DTNB: variants seen among roughly 807,000 people sequenced by gnomAD.
DTNB encodes DTN-B.
A neutral mutation model predicts 90.7 loss-of-function variants in DTNB; 63 were observed. The observed-to-expected ratio is 0.69, with a 90% CI of 0.57 to 0.86. The LOEUF (loss-of-function observed/expected upper bound fraction) is 0.86, where lower values mean the gene tolerates loss of function less well. Among genes scored for constraint, DTNB ranks in the 40% least tolerant of loss-of-function variants. The pLI, the probability that DTNB is intolerant of heterozygous loss-of-function variation, is 0.00. For missense variants in DTNB, 744 were observed against 807.1 expected, an observed-to-expected ratio of 0.92 and a Z score of 0.95; for synonymous variants, 277 against 286.7, an observed-to-expected ratio of 0.97 and a Z score of 0.34.
intron 10 of DTNB, among the ~76,000 whole-genome samples, chr2:25,477,342 C>A (rs563540776): frequency 6.6e-6 from 1 of 152,126 alleles, no homozygotes; most frequent in African/African-American, 2.4e-5. Context: ...TATGCGTGTA[C>A]TATTATATTA....
chr2:25,531,530 G>A lies in DTNB; in HGVS notation c.944C>T (p.Pro315Leu). The A allele has an allele frequency of 6.2e-7, 1 of 1,613,832 alleles. No individual in the cohort carries two copies. Among genetic ancestry groups the A allele is most frequent in the East Asian group, 2.2e-5 (1 of 44,888 alleles). Residue 315 changes from proline to leucine, a missense_variant, in exon 9 of 21, where the codon CCC becomes CTC. Physicochemically the swap from Pro to Leu is moderately conservative, Grantham distance 98 (BLOSUM62 -3). Coordinates refer to ENST00000406818, the MANE Select transcript of DTNB (RefSeq NM_021907.5). ...KSLGCVPTRE[P>L]PHPVFPEQPE... Reference sequence around the variant, plus strand: ...TTGCTCAGGAAAAACAGGATGCGGGGGTTCTCTCGTGGGTACACACCCCAA... The same window carrying A: ...TTGCTCAGGAAAAACAGGATGCGGGAGTTCTCTCGTGGGTACACACCCCAA...
At chr2:25,477,671 A>C (rs1428603314) in intron 10 of DTNB, among the ~76,000 whole-genome samples, 1 of 152,182 alleles carries the variant, frequency 6.6e-6, no homozygotes, top group Non-Finnish European at 1.5e-5. Context: ...ATAAAAGTGA[A>C]GTGTTAGGGA....
chr2:25,585,854 T>G, intron 6 of DTNB, among the ~76,000 whole-genome samples: 1 of 152,226 alleles, frequency 6.6e-6, no homozygotes, highest in Non-Finnish European at 1.5e-5. Flanking sequence ...TAATCAGAGT[T>G]ACAGAGTTGT....
intron 5 of DTNB, among the ~76,000 whole-genome samples, chr2:25,601,035 A>AT (rs965318247): frequency 1.7e-4 from 26 of 152,146 alleles, no homozygotes; most frequent in Admixed American, 9.8e-4. Context: ...GTTTAAAACA[A>AT]TTTTTTTGTG....
intron 9 of DTNB, among the ~76,000 whole-genome samples, chr2:25,526,397 T>TATA (rs2077192595): frequency 2.9e-5 from 2 of 68,756 alleles, no homozygotes; most frequent in African/African-American, 5.7e-5. Flanking sequence ...ATATATATAT[T>TATA]TTTTTTTTTT....
In DTNB at chr2:25,580,705, T is replaced by C; in HGVS notation, c.709+16A>G. The C allele has an allele frequency of 6.2e-7, 1 of 1,608,064 alleles. No homozygotes were observed. The highest frequency in any genetic ancestry group is 1.1e-5 in the South Asian group (1 of 90,966). ...TTCTATAGCATGCGGAATTGAACAA[T>C]AAAAGTTCTGCTTACCATTCTCAAC... is the stretch of plus-strand genomic sequence containing the variant. On this transcript the variant is annotated intron_variant, in intron 7 of 20. Transcript: ENST00000406818.
chr2:25,529,358 C>G (rs746313242), intron 9 of DTNB, among the ~76,000 whole-genome samples: 3 of 151,866 alleles, frequency 2.0e-5, no homozygotes, highest in Non-Finnish European at 4.4e-5. Flanking sequence ...ACATCACACA[C>G]AAAAATCCAT....
At chr2:25,616,366 GT>G (rs2070506533) in intron 4 of DTNB, among the ~76,000 whole-genome samples, 2 of 152,000 alleles carry the variant, frequency 1.3e-5, no homozygotes, top group South Asian at 4.1e-4. Flanking sequence ...TCTTCAAAAT[GT>G]TTTTAGAAAC....
intron 1 of DTNB, among the ~76,000 whole-genome samples, chr2:25,663,174 G>A (rs1158301847): frequency 1.3e-5 from 2 of 151,412 alleles, no homozygotes; most frequent in Non-Finnish European, 1.5e-5. Flanking sequence ...TCTGTTTTCT[G>A]TTCCTGTGTT....
At chr2:25,653,495 C>A (rs1480790599) in intron 1 of DTNB, among the ~76,000 whole-genome samples, 1 of 113,352 alleles carries the variant, frequency 8.8e-6, no homozygotes, top group East Asian at 4.6e-4. Flanking sequence ...TTCTTTCTTT[C>A]TTTCTTTCTT....
At chr2:25,488,470 T>C (rs2066666060) in intron 9 of DTNB, among the ~76,000 whole-genome samples, 2 of 152,150 alleles carry the variant, frequency 1.3e-5, no homozygotes, top group Middle Eastern at 3.4e-3. Flanking sequence ...GATTTGAGTT[T>C]TGAAATTGTT....
intron 14 of DTNB, among the ~76,000 whole-genome samples, chr2:25,431,204 A>AT (rs1457186609): frequency 5.5e-5 from 8 of 144,458 alleles, no homozygotes; most frequent in African/African-American, 1.2e-4. Flanking sequence ...TTTCTTCTAG[A>AT]ATTTTTTTTT....
In DTNB at chr2:25,536,715, A is replaced by C. The variant is rs903261439; in HGVS notation, c.877-5118T>G. ...AGACGGTAGAAAGAGGGAGACAGAG[A>C]GCGAGAGCGAGAGGGGAGATGGGAG... On this transcript the variant is annotated intron_variant, in intron 8 of 20. Transcript: ENST00000406818. 5.9e-5 allele frequency among the ~76,000 whole-genome samples: 9 copies of C among 152,056 alleles called. No homozygotes were observed. In the South Asian group the frequency reaches 8.3e-4, roughly 14 times the overall value.
intron 3 of DTNB, among the ~76,000 whole-genome samples, chr2:25,630,209 T>C (rs2075368199): frequency 6.6e-6 from 1 of 152,214 alleles, no homozygotes; most frequent in Non-Finnish European, 1.5e-5. Context: ...CCAGCCAGAA[T>C]AGCTAGACTT....
intron 10 of DTNB, among the ~76,000 whole-genome samples, chr2:25,467,576 T>C (rs2062032100): frequency 6.6e-6 from 1 of 152,124 alleles, no homozygotes; most frequent in Non-Finnish European, 1.5e-5. Context: ...AGTGCTGGGA[T>C]TAGAGGTGTG....
intron 1 of DTNB, among the ~76,000 whole-genome samples, chr2:25,668,232 C>CA (rs1223591337): frequency 1.3e-5 from 2 of 151,940 alleles, no homozygotes; most frequent in Non-Finnish European, 2.9e-5. Flanking sequence ...GAGTGAGACT[C>CA]AGTCTCAAAA....
chr2:25,474,329 T>C (rs1485428972), intron 10 of DTNB, among the ~76,000 whole-genome samples: 2 of 152,164 alleles, frequency 1.3e-5, no homozygotes, highest in Admixed American at 1.3e-4. Flanking sequence ...AAACTATTCT[T>C]GTGTTGACTT....
At chr2:25,657,508 C>T (rs184248057) in intron 1 of DTNB, among the ~76,000 whole-genome samples, 9 of 152,180 alleles carry the variant, frequency 5.9e-5, no homozygotes, top group Admixed American at 5.9e-4. Context: ...CACTTCAGCC[C>T]AGTAGTTCAA....
At chr2:25,437,551 C>T (rs79547749) in intron 12 of DTNB, among the ~76,000 whole-genome samples, 3,724 of 152,116 alleles carry the variant, frequency 0.024, 81 homozygotes, top group Non-Finnish European at 0.029. Context: ...CATGAGCCAC[C>T]GCACTCAGCT....
Sources: allele counts gnomAD v4.1 joint callset (sites outside exome capture counted in the v4.1 genomes callset), GRCh38; gene constraint gnomAD v4.1.1; transcripts MANE v1.5; gene names NCBI Gene and HGNC (gene_info 2026-07-23, HGNC 2026-07-21).